Variants in ANK3 observed in about 807,000 individuals in gnomAD.
The protein encoded by ANK3 is ankyrin 3.
A neutral mutation model predicts 370.9 loss-of-function variants in ANK3; 57 were observed. The observed-to-expected ratio is 0.15, with a 90% CI of 0.12 to 0.19. The LOEUF (loss-of-function observed/expected upper bound fraction) is 0.19, where lower values mean the gene tolerates loss of function less well. Among genes scored for constraint, ANK3 ranks in the 10% least tolerant of loss-of-function variants. ANK3 has a pLI of 1.00. For missense variants in ANK3, 4,439 were observed against 5,302.1 expected (o/e 0.84, Z 5.06); for synonymous variants, 1,929 against 1,946.3 (o/e 0.99, Z 0.23).
intron 2 of ANK3, among the ~76,000 whole-genome samples, chr10:60,459,266 T>G (rs2064825681): frequency 6.6e-6 from 1 of 152,128 alleles, no homozygotes; most frequent in Admixed American, 6.6e-5. Context: ...AATGTTTCCT[T>G]TATCTGAAAG....
At chr10:60,674,012 GC>G (rs1234157872) in intron 1 of ANK3, among the ~76,000 whole-genome samples, 1 of 152,082 alleles carries the variant, frequency 6.6e-6, no homozygotes, top group Non-Finnish European at 1.5e-5. Flanking sequence ...ATGAGTTTGG[GC>G]CAAAGCCTAC....
At chr10:60,482,555 C>T (rs1474826222) in intron 2 of ANK3, among the ~76,000 whole-genome samples, 1 of 152,082 alleles carries the variant, frequency 6.6e-6, no homozygotes, top group African/African-American at 2.4e-5. Flanking sequence ...TGGCTGATCA[C>T]AGCTTACTGC....
intron 16 of ANK3, 69 bp from the exon 17 acceptor site, chr10:60,186,981 T>G: frequency 7.0e-7 from 1 of 1,434,370 alleles, no homozygotes. Flanking sequence ...CATTTTCAAA[T>G]AGTTTATGTC....
At chr10:60,710,961 C>G (rs565201517) in intron 1 of ANK3, among the ~76,000 whole-genome samples, 3 of 152,286 alleles carry the variant, frequency 2.0e-5, no homozygotes, top group South Asian at 4.1e-4. Context: ...TGGATGATGT[C>G]CACCCACAAT....
chr10:60,107,777 A>G (rs935223994), intron 27 of ANK3, among the ~76,000 whole-genome samples: 9 of 152,236 alleles, frequency 5.9e-5, no homozygotes, highest in Non-Finnish European at 1.0e-4. Flanking sequence ...ACGCGCACAC[A>G]CACACACAGG....
Position 60,075,054 on chromosome 10 carries a change from C to G in ANK3, c.5827G>C (p.Glu1943Gln). 1 of 1,613,934 alleles carries G rather than the reference C, an allele frequency of 6.2e-7. No homozygotes were observed. ...LPKEGRIDDE[E>Q]PFKIVEKVKE... ...ACTTTCTCTACAATTTTGAAAGGTT[C>G]TTCATCATCTATTCTCCCTTCCTTT... Residue 1943 changes from glutamate to glutamine, a missense_variant, in exon 37 of 44, where the codon GAA becomes CAA. This residue lies in a region of ANK3 where 679 missense variants were observed against 791.0 expected (regional missense o/e 0.86). Coordinates refer to ENST00000280772, the MANE Select transcript of ANK3 (RefSeq NM_020987.5).
At chr10:60,415,920 C>CG (rs1555369985) in intron 2 of ANK3, among the ~76,000 whole-genome samples, 3 of 109,732 alleles carry the variant, frequency 2.7e-5, no homozygotes, top group Non-Finnish European at 3.9e-5. Context: ...ATTTGTGCCC[C>CG]CCACCCCCCC....
rs1468751716 is a variant in ANK3 at position 60,072,294 on chromosome 10, T to G, written c.8587A>C (p.Asn2863His). ...RTWESSGATN[N>H]KSQKEKLSHV... Reference sequence around the variant, plus strand: ...GAAAGTTTTTCTTTCTGAGACTTATTGTTAGTGGCTCCCGAACTCTCCCAT... The same window carrying G: ...GAAAGTTTTTCTTTCTGAGACTTATGGTTAGTGGCTCCCGAACTCTCCCAT... Residue 2863 changes from asparagine (N) to histidine (H), a missense_variant, in exon 37 of 44, where the codon AAT (asparagine) becomes CAT (histidine). Around this residue, in one of 13 missense-constraint regions of ANK3, gnomAD observed 1,601 missense variants for 1,731.7 expected, o/e 0.92. Transcript: ENST00000280772. 1 of 1,614,126 alleles carries G rather than the reference T, an allele frequency of 6.2e-7. No homozygotes were observed. Among genetic ancestry groups the G allele is most frequent in the Non-Finnish European group, 8.5e-7 (1 of 1,179,998 alleles).
chr10:60,073,843 A>G lies in ANK3; in HGVS notation c.7038T>C (p.Ile2346=). Residue 2346 remains isoleucine (I), a synonymous_variant, in exon 37 of 44, where the codon ATT becomes ATC. Transcript: ENST00000280772. ...CTGGATGCTTTTTGGTTTCTCTAAT[A>G]ATGACTTCAGTGGGCTCAGCTTGGT... ...KGNQAEPTEV[I]IRETKKHPEK... 1.2e-6 allele frequency: 2 copies of G among 1,613,598 alleles called. No homozygotes were observed. Among genetic ancestry groups the G allele is most frequent in the Non-Finnish European group, 1.7e-6 (2 of 1,179,984 alleles).
intron 1 of ANK3, among the ~76,000 whole-genome samples, chr10:60,707,133 G>A (rs575836529): frequency 1.3e-4 from 19 of 151,898 alleles, no homozygotes; most frequent in African/African-American, 3.9e-4. Context: ...ACCAACAATC[G>A]AACTCTAATC....
intron 2 of ANK3, among the ~76,000 whole-genome samples, chr10:60,557,132 T>A (rs1449505926): frequency 3.9e-5 from 6 of 152,152 alleles, no homozygotes; most frequent in Admixed American, 3.9e-4. Flanking sequence ...GACCATTGAT[T>A]CCACTCCTAG....
intron 2 of ANK3, among the ~76,000 whole-genome samples, chr10:60,510,832 TAAATAAAATA>T (rs949429863): frequency 4.0e-4 from 60 of 151,702 alleles, no homozygotes; most frequent in African/African-American, 1.4e-3. Context: ...AATAAATAAA[TAAATAAAATA>T]AAATAAAATA....
intron 1 of ANK3, among the ~76,000 whole-genome samples, chr10:60,715,677 A>G (rs1441377166): frequency 1.3e-5 from 2 of 152,210 alleles, no homozygotes; most frequent in Non-Finnish European, 2.9e-5. Flanking sequence ...CAGATATTAC[A>G]GTAGTAATAT....
At chr10:60,159,154 A>C (rs1361210349) in intron 23 of ANK3, among the ~76,000 whole-genome samples, 2 of 152,212 alleles carry the variant, frequency 1.3e-5, no homozygotes, top group African/African-American at 4.8e-5. Context: ...GGCCAAATGG[A>C]TTTAAAAACA....
At chr10:60,060,078 TA>T (rs772833625) in intron 40 of ANK3, 2 of 1,160,862 alleles carry the variant, frequency 1.7e-6, no homozygotes, top group Non-Finnish European at 2.4e-6. Context: ...ATGGAATGAC[TA>T]AAATTATATC....
intron 38 of ANK3, among the ~76,000 whole-genome samples, chr10:60,066,674 C>T (rs1431284408): frequency 6.6e-6 from 1 of 151,988 alleles, no homozygotes; most frequent in Non-Finnish European, 1.5e-5. Context: ...TATCTAGTTT[C>T]ATATTCTCCC....
chr10:60,317,336 A>C (rs1450586418), intron 1 of ANK3, among the ~76,000 whole-genome samples: 1 of 151,746 alleles, frequency 6.6e-6, no homozygotes. Context: ...CGATAGCCAG[A>C]CTGGGCTCGA....
chr10:60,050,459 C>T (rs754737379), intron 42 of ANK3, among the ~76,000 whole-genome samples: 17 of 152,200 alleles, frequency 1.1e-4, no homozygotes, highest in Non-Finnish European at 2.4e-4. Flanking sequence ...CCTGTGCCAA[C>T]TTCTGTGCTT....
At chr10:60,372,042 A>G (rs1046398804) in intron 1 of ANK3, among the ~76,000 whole-genome samples, 1 of 152,344 alleles carries the variant, frequency 6.6e-6, no homozygotes, top group African/African-American at 2.4e-5. Flanking sequence ...TATTAGAGGG[A>G]AAAAGCTTTC....
Sources: allele counts gnomAD v4.1 joint callset (sites outside exome capture counted in the v4.1 genomes callset), GRCh38; gene constraint gnomAD v4.1.1; regional missense constraint gnomAD v4.1.1; transcripts MANE v1.5; gene names NCBI Gene and HGNC (gene_info 2026-07-23, HGNC 2026-07-21).